TENM2: variants seen among roughly 807,000 people sequenced by gnomAD.
TENM2 encodes the protein teneurin-2.
A neutral mutation model predicts 245.2 loss-of-function variants in TENM2; 52 were observed. The ratio of observed to expected loss-of-function variants is 0.21; its 90% CI spans 0.17 to 0.27. TENM2 has a LOEUF of 0.27. Among genes scored for constraint, TENM2 ranks in the 10% least tolerant of loss-of-function variants. TENM2 has a pLI of 1.00. For missense variants in TENM2, 3,046 were observed against 3,666.8 expected (o/e 0.83, Z 4.37); for synonymous variants, 1,363 against 1,438.9 (o/e 0.95, Z 1.19).
chr5:167,450,436 A>G (rs921864262), intron 2 of TENM2, among the ~76,000 whole-genome samples: 6 of 152,208 alleles, frequency 3.9e-5, no homozygotes, highest in Admixed American at 3.3e-4. Context: ...GCCCCATAAG[A>G]ACAACGACTT....
the TENM2 span, among the ~76,000 whole-genome samples, chr5:167,222,934 A>T: frequency 6.6e-6 from 1 of 152,222 alleles, no homozygotes; most frequent in Non-Finnish European, 1.5e-5. Context: ...TATTTCATTT[A>T]TAATTTAAAG....
chr5:166,990,886 G>C, the TENM2 span, among the ~76,000 whole-genome samples: 1 of 152,168 alleles, frequency 6.6e-6, no homozygotes, highest in Admixed American at 6.5e-5. Flanking sequence ...TGTTGATGTT[G>C]TTTAGTTGGC....
chr5:168,236,227 A>G (rs1398438148), intron 25 of TENM2, among the ~76,000 whole-genome samples: 6 of 152,182 alleles, frequency 3.9e-5, no homozygotes, highest in Non-Finnish European at 8.8e-5. Flanking sequence ...AATATACAAC[A>G]TACCTGACTC....
intron 13 of TENM2, among the ~76,000 whole-genome samples, chr5:168,184,492 G>A (rs994272887): frequency 1.3e-5 from 2 of 152,240 alleles, no homozygotes; most frequent in Non-Finnish European, 2.9e-5. Flanking sequence ...ACATTGGAGA[G>A]AGACTCACTT....
At chr5:167,724,133 A>T (rs1350435517) in intron 2 of TENM2, among the ~76,000 whole-genome samples, 1 of 152,154 alleles carries the variant, frequency 6.6e-6, no homozygotes, top group Non-Finnish European at 1.5e-5. Flanking sequence ...TATATATCTC[A>T]TTGCATCTTA....
At chr5:167,749,471 C>G (rs1402511884) in intron 2 of TENM2, among the ~76,000 whole-genome samples, 1 of 151,954 alleles carries the variant, frequency 6.6e-6, no homozygotes, top group Non-Finnish European at 1.5e-5. Flanking sequence ...AACCCTGCCT[C>G]TACTAAAAAT....
intron 7 of TENM2, among the ~76,000 whole-genome samples, chr5:168,086,845 C>T (rs1792502997): frequency 6.6e-6 from 1 of 152,212 alleles, no homozygotes; most frequent in Admixed American, 6.5e-5. Context: ...GAAAAGGAAA[C>T]TCTGGCCAGG....
At chr5:168,135,021 C>A (rs1754922678) in intron 12 of TENM2, among the ~76,000 whole-genome samples, 1 of 152,214 alleles carries the variant, frequency 6.6e-6, no homozygotes, top group South Asian at 2.1e-4. Context: ...TCTTTTCATT[C>A]CTCATGACTC....
At chr5:167,795,304 G>A (rs1324784347) in intron 2 of TENM2, among the ~76,000 whole-genome samples, 1 of 152,194 alleles carries the variant, frequency 6.6e-6, no homozygotes, top group Non-Finnish European at 1.5e-5. Flanking sequence ...GATTGGTACA[G>A]GTGGACAAAT....
the TENM2 span, among the ~76,000 whole-genome samples, chr5:167,171,066 G>C: frequency 7.7e-3 from 1,166 of 152,094 alleles, 15 homozygotes; most frequent in African/African-American, 0.026. Context: ...CTCTATCCGG[G>C]TGATTGCATC....
intron 17 of TENM2, among the ~76,000 whole-genome samples, chr5:168,200,520 G>T (rs560652763): frequency 6.6e-6 from 1 of 152,290 alleles, no homozygotes; most frequent in South Asian, 2.1e-4. Flanking sequence ...GAAGAGCAGG[G>T]TGTGTTTGAC....
intron 6 of TENM2, among the ~76,000 whole-genome samples, chr5:168,050,940 T>A (rs1174376596): frequency 2.0e-5 from 3 of 152,210 alleles, no homozygotes; most frequent in Admixed American, 1.3e-4. Context: ...TCACTCACCA[T>A]CTTGTGTGTA....
intron 1 of TENM2, among the ~76,000 whole-genome samples, chr5:167,289,887 T>G (rs1050036301): frequency 1.3e-5 from 2 of 152,164 alleles, no homozygotes; most frequent in Non-Finnish European, 2.9e-5. Context: ...AATTAAAAGG[T>G]TCTAGTTTGA....
the TENM2 span, among the ~76,000 whole-genome samples, chr5:167,255,207 G>T: frequency 5.3e-5 from 8 of 151,284 alleles, no homozygotes; most frequent in Non-Finnish European, 8.8e-5. Context: ...ATCATAAAAA[G>T]AATTTTAATA....
intron 2 of TENM2, among the ~76,000 whole-genome samples, chr5:167,550,157 A>G (rs1772833830): frequency 6.6e-6 from 1 of 152,206 alleles, no homozygotes; most frequent in Admixed American, 6.5e-5. Flanking sequence ...TTCCACTGTC[A>G]AAACAATCTG....
At chr5:167,874,025 A>G (rs1193654205) in intron 2 of TENM2, among the ~76,000 whole-genome samples, 4 of 152,068 alleles carry the variant, frequency 2.6e-5, no homozygotes, top group Non-Finnish European at 5.9e-5. Flanking sequence ...GCTGCTGTTC[A>G]TCCTGTTTTC....
chr5:167,218,484 T>C, the TENM2 span, among the ~76,000 whole-genome samples: 520 of 152,276 alleles, frequency 3.4e-3, 4 homozygotes, highest in African/African-American at 0.012. Context: ...TTTAACATGC[T>C]ATCTTGTGAG....
At chr5:167,332,697 A>C (rs1757531680) in intron 1 of TENM2, among the ~76,000 whole-genome samples, 1 of 152,172 alleles carries the variant, frequency 6.6e-6, no homozygotes, top group Non-Finnish European at 1.5e-5. Context: ...GAGTTCATAA[A>C]CACTAATCAC....
intron 2 of TENM2, among the ~76,000 whole-genome samples, chr5:167,791,549 A>AAT (rs1348778286): frequency 1.1e-5 from 1 of 94,466 alleles, no homozygotes; most frequent in Non-Finnish European, 1.9e-5. Flanking sequence ...TATATATTAT[A>AAT]ATATATAAAT....
Sources: gnomAD v4.1 joint callset for allele counts (sites outside exome capture counted in the v4.1 genomes callset) on GRCh38, gnomAD v4.1.1 for gene constraint, MANE v1.5 for transcripts, NCBI Gene and HGNC (gene_info 2026-07-23, HGNC 2026-07-21) for gene names.